The following CNTN5 variants were observed in gnomAD, a reference collection of about 807,000 sequenced individuals.
The protein encoded by CNTN5 is contactin-5.
A neutral mutation model predicts 129.1 loss-of-function variants in CNTN5; 77 were observed. The observed-to-expected ratio is 0.60, with a 90% CI of 0.50 to 0.72. The LOEUF is 0.72. Ranked by LOEUF, CNTN5 falls within the 30% of genes least tolerant of loss-of-function variation. The pLI is 0.00. For missense variants in CNTN5, 1,478 were observed against 1,328.8 expected (o/e 1.11, Z -1.75); for synonymous variants, 509 against 465.6 (o/e 1.09, Z -1.20).
At chr11:100,058,560 G>T (rs1219591177) in intron 9 of CNTN5, among the ~76,000 whole-genome samples, 1 of 152,036 alleles carries the variant, frequency 6.6e-6, no homozygotes, top group South Asian at 2.1e-4. Context: ...ATTCCAAAAT[G>T]CAAGGTTCAT....
At chr11:99,945,311 A>C (rs746054566) in intron 7 of CNTN5, among the ~76,000 whole-genome samples, 6 of 152,080 alleles carry the variant, frequency 3.9e-5, no homozygotes, top group Non-Finnish European at 8.8e-5. Flanking sequence ...TAATTTTTGC[A>C]TGGTAAATTG....
chr11:99,064,288 T>A (rs916723933), intron 1 of CNTN5, among the ~76,000 whole-genome samples: 5 of 152,160 alleles, frequency 3.3e-5, no homozygotes, highest in Admixed American at 1.3e-4. Context: ...CTTGTTAGCA[T>A]AGTAGCTGCA....
chr11:99,277,994 C>A (rs1365806524), intron 1 of CNTN5, among the ~76,000 whole-genome samples: 1 of 151,636 alleles, frequency 6.6e-6, no homozygotes, highest in Non-Finnish European at 1.5e-5. Context: ...CAGGTATAGA[C>A]TGGAGCACGG....
At chr11:99,855,395 T>C (rs1948001368) in intron 6 of CNTN5, among the ~76,000 whole-genome samples, 1 of 152,162 alleles carries the variant, frequency 6.6e-6, no homozygotes, top group Non-Finnish European at 1.5e-5. Flanking sequence ...ACAGAAATCA[T>C]AATCCAAGGC....
intron 1 of CNTN5, among the ~76,000 whole-genome samples, chr11:99,229,557 G>T (rs762397939): frequency 6.7e-6 from 1 of 149,100 alleles, no homozygotes; most frequent in African/African-American, 2.5e-5. Context: ...ACAGCAGGAG[G>T]TCAATAAAAG....
chr11:100,293,847 G>T (rs559592601), intron 18 of CNTN5, among the ~76,000 whole-genome samples: 1 of 151,616 alleles, frequency 6.6e-6, no homozygotes, highest in Non-Finnish European at 1.5e-5. Flanking sequence ...GTTTTTCTGG[G>T]CGGGTTGGGG....
intron 3 of CNTN5, among the ~76,000 whole-genome samples, chr11:99,798,318 G>T (rs1292423217): frequency 6.6e-6 from 1 of 151,620 alleles, no homozygotes; most frequent in South Asian, 2.1e-4. Context: ...TGGTAGAATT[G>T]CATTTAAGGA....
chr11:100,080,407 T>G (rs1300004363), intron 13 of CNTN5, among the ~76,000 whole-genome samples: 3 of 152,172 alleles, frequency 2.0e-5, no homozygotes, highest in Admixed American at 1.3e-4. Context: ...TTTCAACTTA[T>G]TTAACACGCA....
At chr11:100,314,205 T>C (rs1412887402) in intron 21 of CNTN5, among the ~76,000 whole-genome samples, 1 of 152,172 alleles carries the variant, frequency 6.6e-6, no homozygotes, top group Non-Finnish European at 1.5e-5. Flanking sequence ...CATTCTTGTG[T>C]TGAGAATCAC....
intron 1 of CNTN5, among the ~76,000 whole-genome samples, chr11:99,069,662 A>AT (rs1421008574): frequency 3.3e-5 from 5 of 150,278 alleles, no homozygotes; most frequent in Non-Finnish European, 7.4e-5. Flanking sequence ...CAGGTACTTA[A>AT]TAAATATTTG....
At chr11:100,008,683 AG>A (rs1353267815) in intron 9 of CNTN5, among the ~76,000 whole-genome samples, 1 of 152,258 alleles carries the variant, frequency 6.6e-6, no homozygotes, top group African/African-American at 2.4e-5. Context: ...GTCCTCTAAT[AG>A]CCAACCTTTA....
intron 2 of CNTN5, among the ~76,000 whole-genome samples, chr11:99,466,968 C>A (rs1335230816): frequency 6.6e-6 from 1 of 152,064 alleles, no homozygotes; most frequent in East Asian, 1.9e-4. Context: ...TCCTATGTGC[C>A]TAGAGAAAAA....
intron 1 of CNTN5, among the ~76,000 whole-genome samples, chr11:99,174,509 G>A (rs1167912778): frequency 1.3e-5 from 2 of 152,050 alleles, no homozygotes; most frequent in Non-Finnish European, 2.9e-5. Context: ...CAAGCTATCC[G>A]AATTTCAAAT....
At chr11:99,220,880 TA>T (rs201823393) in intron 1 of CNTN5, among the ~76,000 whole-genome samples, 141 of 150,178 alleles carry the variant, frequency 9.4e-4, no homozygotes, top group African/African-American at 2.6e-3. Flanking sequence ...AACAATGATT[TA>T]AAAAAAAAAT....
intron 15 of CNTN5, among the ~76,000 whole-genome samples, chr11:100,196,428 T>A (rs1948640300): frequency 6.6e-6 from 1 of 152,010 alleles, no homozygotes; most frequent in Non-Finnish European, 1.5e-5. Context: ...AGCTTGCATA[T>A]AAATCTCTAG....
intron 2 of CNTN5, among the ~76,000 whole-genome samples, chr11:99,386,328 G>A (rs187062640): frequency 6.0e-4 from 92 of 152,304 alleles, no homozygotes; most frequent in Non-Finnish European, 9.4e-4. Flanking sequence ...AATAAAGAAT[G>A]GCTACTCCAT....
intron 6 of CNTN5, among the ~76,000 whole-genome samples, chr11:99,858,289 C>G (rs1315187465): frequency 6.6e-6 from 1 of 152,092 alleles, no homozygotes; most frequent in African/African-American, 2.4e-5. Flanking sequence ...TATATCAATT[C>G]TGTTTTCATA....
At chr11:99,268,114 C>T (rs974467414) in intron 1 of CNTN5, among the ~76,000 whole-genome samples, 1 of 151,956 alleles carries the variant, frequency 6.6e-6, no homozygotes, top group Non-Finnish European at 1.5e-5. Flanking sequence ...AGGCAAGTTA[C>T]TTAATCTTTC....
intron 1 of CNTN5, among the ~76,000 whole-genome samples, chr11:99,036,938 G>A (rs543007504): frequency 5.9e-5 from 9 of 152,070 alleles, no homozygotes; most frequent in Non-Finnish European, 1.3e-4. Flanking sequence ...CAAACCCATA[G>A]CAGCAAGAGG....
Sources: allele counts gnomAD v4.1 joint callset (sites outside exome capture counted in the v4.1 genomes callset), GRCh38; gene constraint gnomAD v4.1.1; transcripts MANE v1.5; gene names NCBI Gene and HGNC (gene_info 2026-07-23, HGNC 2026-07-21).